Variants in SLC25A21 observed in about 807,000 individuals in gnomAD.
SLC25A21 encodes the protein mitochondrial 2-oxodicarboxylate carrier.
Under a neutral mutation model 43.8 loss-of-function variants are expected in SLC25A21, and 47 were observed. The observed-to-expected ratio is 1.07, with a 90% CI of 0.85 to 1.37. The LOEUF (loss-of-function observed/expected upper bound fraction) is 1.37, where lower values mean the gene tolerates loss of function less well. Ranked by LOEUF, SLC25A21 falls within the 40% of genes most tolerant of loss-of-function variation. The probability of loss-of-function intolerance (pLI) is 0.00; values close to 1 mark genes in which losing one functional copy is unlikely to be tolerated. For missense variants in SLC25A21, 352 were observed against 350.2 expected (o/e 1.00, Z -0.04); for synonymous variants, 131 against 121.3 (o/e 1.08, Z -0.52).
chr14:36,936,050 T>TA (rs1566752177), intron 1 of SLC25A21, among the ~76,000 whole-genome samples: 1 of 152,138 alleles, frequency 6.6e-6, no homozygotes, highest in Non-Finnish European at 1.5e-5. Context: ...ACTGGGTTTT[T>TA]ATCTATCAGT....
rs1483292047 is a variant in SLC25A21 at position 36,684,784 on chromosome 14, T to G, written c.745A>C (p.Thr249Pro). The change falls in exon 8 of 10, where the codon ACC becomes CCC. Residue 249 changes from threonine to proline, a missense_variant. Transcript: ENST00000331299. Reference protein sequence around the residue: ...QPVPGEIKYRTCFKTMATVYQ... With the variant: ...QPVPGEIKYRPCFKTMATVYQ... ...ACTGTTGCCATTGTTTTAAAACAGG[T>G]TCTGTACTTGATCTCTCCAGGAACT... 6.2e-7 allele frequency: 1 copy of G among 1,612,346 alleles called. No homozygotes were observed. The highest frequency in any genetic ancestry group is 8.5e-7 in the Non-Finnish European group (1 of 1,179,400).
At chr14:36,845,663 C>G (rs918963803) in intron 2 of SLC25A21, among the ~76,000 whole-genome samples, 2 of 152,212 alleles carry the variant, frequency 1.3e-5, no homozygotes, top group African/African-American at 4.8e-5. Context: ...AATTGATGGA[C>G]AAACTATCAT....
chr14:37,078,003 T>TAATTA (rs1278801974), intron 1 of SLC25A21, among the ~76,000 whole-genome samples: 4 of 151,566 alleles, frequency 2.6e-5, no homozygotes, highest in Non-Finnish European at 5.9e-5. Context: ...TTACATTTCC[T>TAATTA]AATTTCTTAA....
intron 1 of SLC25A21, among the ~76,000 whole-genome samples, chr14:37,146,155 C>A (rs1484819791): frequency 6.6e-6 from 1 of 152,166 alleles, no homozygotes; most frequent in Non-Finnish European, 1.5e-5. Flanking sequence ...ATAAATAAAA[C>A]ACTTGACATT....
intron 1 of SLC25A21, among the ~76,000 whole-genome samples, chr14:37,163,514 G>A (rs1352220739): frequency 6.6e-6 from 1 of 152,034 alleles, no homozygotes; most frequent in East Asian, 1.9e-4. Flanking sequence ...TAATCACTTG[G>A]AAAATAACTA....
chr14:36,821,985 A>G (rs1178068041), intron 2 of SLC25A21, among the ~76,000 whole-genome samples: 1 of 152,164 alleles, frequency 6.6e-6, no homozygotes, highest in Non-Finnish European at 1.5e-5. Flanking sequence ...GCATTTACTG[A>G]GCTCCCCAAC....
At chr14:36,692,477 C>G (rs920400190) in intron 7 of SLC25A21, among the ~76,000 whole-genome samples, 2 of 152,140 alleles carry the variant, frequency 1.3e-5, no homozygotes, top group Non-Finnish European at 2.9e-5. Flanking sequence ...AAAATATGTC[C>G]ATTGAAAGAG....
At chr14:36,803,281 T>C (rs2138424047) in intron 3 of SLC25A21, among the ~76,000 whole-genome samples, 1 of 152,314 alleles carries the variant, frequency 6.6e-6, no homozygotes, top group South Asian at 2.1e-4. Context: ...ATGTAACACA[T>C]ATTTTATTTT....
At chr14:37,082,772 G>C (rs532943623) in intron 1 of SLC25A21, among the ~76,000 whole-genome samples, 19 of 152,240 alleles carry the variant, frequency 1.2e-4, no homozygotes, top group African/African-American at 4.1e-4. Context: ...CTTTCTGTAG[G>C]CTCCTCTTCA....
chr14:36,792,093 T>C (rs1887505922), intron 3 of SLC25A21, among the ~76,000 whole-genome samples: 1 of 152,162 alleles, frequency 6.6e-6, no homozygotes, highest in Non-Finnish European at 1.5e-5. Flanking sequence ...ACTAGATAAA[T>C]GCTCTCTTTT....
chr14:36,883,479 G>T (rs1052951839), intron 1 of SLC25A21, among the ~76,000 whole-genome samples: 7 of 152,122 alleles, frequency 4.6e-5, no homozygotes, highest in African/African-American at 1.7e-4. Flanking sequence ...TCTCTAGTGT[G>T]TACCAACTTC....
At chr14:36,857,485 C>A (rs538466978) in intron 2 of SLC25A21, among the ~76,000 whole-genome samples, 3 of 152,300 alleles carry the variant, frequency 2.0e-5, no homozygotes, top group East Asian at 1.9e-4. Flanking sequence ...TGAGACCTTG[C>A]CCCCTTTCCA....
At chr14:36,683,200 A>G (rs191617156) in intron 9 of SLC25A21, among the ~76,000 whole-genome samples, 2 of 152,280 alleles carry the variant, frequency 1.3e-5, no homozygotes, top group African/African-American at 2.4e-5. Context: ...TTTCTTATCT[A>G]TTTACATAGA....
chr14:36,900,202 G>A (rs887850281), intron 1 of SLC25A21, among the ~76,000 whole-genome samples: 3 of 151,964 alleles, frequency 2.0e-5, no homozygotes, highest in African/African-American at 4.8e-5. Context: ...TCTTTATGAT[G>A]CAAGAGGCAA....
chr14:36,799,732 T>C (rs1313175095), intron 3 of SLC25A21, among the ~76,000 whole-genome samples: 1 of 152,184 alleles, frequency 6.6e-6, no homozygotes, highest in Admixed American at 6.6e-5. Flanking sequence ...TACACAAACA[T>C]TTTGACCTTG....
chr14:37,052,907 A>C (rs184227478), intron 1 of SLC25A21, among the ~76,000 whole-genome samples: 13 of 152,292 alleles, frequency 8.5e-5, no homozygotes, highest in African/African-American at 2.4e-4. Context: ...AAAAGTGTTA[A>C]GATTACAGGT....
intron 1 of SLC25A21, among the ~76,000 whole-genome samples, chr14:36,880,147 GGATGT>G (rs1890670509): frequency 6.6e-6 from 1 of 152,076 alleles, no homozygotes; most frequent in Non-Finnish European, 1.5e-5. Flanking sequence ...CTGGCCAAAG[GGATGT>G]AAGGGAAAGT....
intron 1 of SLC25A21, among the ~76,000 whole-genome samples, chr14:37,088,238 G>A (rs527617849): frequency 4.0e-4 from 61 of 152,004 alleles, no homozygotes; most frequent in Non-Finnish European, 7.2e-4. Flanking sequence ...ATATCATAAT[G>A]CATACAAGCT....
At chr14:36,982,918 G>A (rs963865744) in intron 1 of SLC25A21, among the ~76,000 whole-genome samples, 2 of 152,152 alleles carry the variant, frequency 1.3e-5, no homozygotes, top group Non-Finnish European at 2.9e-5. Flanking sequence ...GAACACACTT[G>A]TTTGTCCTAC....
Sources: allele counts gnomAD v4.1 joint callset (sites outside exome capture counted in the v4.1 genomes callset), GRCh38; gene constraint gnomAD v4.1.1; transcripts MANE v1.5; gene names NCBI Gene and HGNC (gene_info 2026-07-23, HGNC 2026-07-21).